Variants in CDK19 observed in about 807,000 individuals in gnomAD.
CDK19 encodes the protein cyclin-dependent kinase 19.
A neutral mutation model predicts 68.3 loss-of-function variants in CDK19; 20 were observed. That is an observed-to-expected ratio of 0.29 (90% confidence interval 0.21 to 0.43). The LOEUF (loss-of-function observed/expected upper bound fraction) is 0.43. Among genes scored for constraint, CDK19 ranks in the 20% least tolerant of loss-of-function variants. CDK19 has a pLI of 1.00. For missense variants in CDK19, 339 were observed against 623.5 expected (o/e 0.54, Z 4.86); for synonymous variants, 221 against 222.8 (o/e 0.99, Z 0.07).
intron 4 of CDK19, among the ~76,000 whole-genome samples, chr6:110,663,690 C>A (rs1781749832): frequency 1.3e-5 from 2 of 152,144 alleles, no homozygotes; most frequent in South Asian, 4.1e-4. Flanking sequence ...CACCACCACA[C>A]CCAGTTAATT....
At chr6:110,705,045 T>G (rs1157193019) in intron 2 of CDK19, among the ~76,000 whole-genome samples, 2 of 150,258 alleles carry the variant, frequency 1.3e-5, no homozygotes, top group Non-Finnish European at 3.0e-5. Context: ...AAATGTAGTT[T>G]TTTTTTTTTT....
chr6:110,798,826 T>C (rs1782139016), intron 1 of CDK19, among the ~76,000 whole-genome samples: 1 of 151,332 alleles, frequency 6.6e-6, no homozygotes, highest in Non-Finnish European at 1.5e-5. Context: ...AATCTACACA[T>C]CCTATATGAA....
intron 1 of CDK19, among the ~76,000 whole-genome samples, chr6:110,810,047 A>G (rs1341161333): frequency 6.6e-6 from 1 of 152,208 alleles, no homozygotes; most frequent in Non-Finnish European, 1.5e-5. Flanking sequence ...ACACCATTCT[A>G]AAGTGAATGT....
intron 6 of CDK19, among the ~76,000 whole-genome samples, chr6:110,628,163 A>G (rs1472768612): frequency 6.6e-6 from 1 of 152,144 alleles, no homozygotes; most frequent in East Asian, 1.9e-4. Context: ...GTGAGCCAAG[A>G]TCATGCCACC....
chr6:110,677,441 CT>C (rs771714770), intron 2 of CDK19, among the ~76,000 whole-genome samples: 5 of 151,984 alleles, frequency 3.3e-5, no homozygotes, highest in Non-Finnish European at 5.9e-5. Flanking sequence ...TGGTGGGCAC[CT>C]GTAGTCCCAG....
chr6:110,784,188 A>C (rs1189362961), intron 1 of CDK19, among the ~76,000 whole-genome samples: 1 of 151,514 alleles, frequency 6.6e-6, no homozygotes, highest in Non-Finnish European at 1.5e-5. Flanking sequence ...GGAAAGGAGA[A>C]AAAGAAAGTG....
chr6:110,617,006 T>G (rs1275235403), intron 12 of CDK19, among the ~76,000 whole-genome samples: 4 of 152,150 alleles, frequency 2.6e-5, no homozygotes, highest in African/African-American at 9.7e-5. Flanking sequence ...GCCTTGAAAC[T>G]CTACTAATGG....
intron 1 of CDK19, among the ~76,000 whole-genome samples, chr6:110,763,521 T>G (rs532750597): frequency 2.0e-5 from 3 of 149,994 alleles, no homozygotes; most frequent in Non-Finnish European, 4.4e-5. Context: ...GTTCAAGCAA[T>G]TCTCCTGCCT....
At chr6:110,810,165 G>A (rs1317310327) in intron 1 of CDK19, among the ~76,000 whole-genome samples, 1 of 152,164 alleles carries the variant, frequency 6.6e-6, no homozygotes, top group African/African-American at 2.4e-5. Flanking sequence ...ATGGTGGCAG[G>A]TATAAAGACT....
At chr6:110,642,020 A>G (rs557118874) in intron 4 of CDK19, among the ~76,000 whole-genome samples, 1 of 152,314 alleles carries the variant, frequency 6.6e-6, no homozygotes, top group East Asian at 1.9e-4. Context: ...AGGAAATTGG[A>G]GGCTGGGCGT....
intron 12 of CDK19, among the ~76,000 whole-genome samples, chr6:110,616,647 C>T (rs573698642): frequency 5.1e-4 from 76 of 149,906 alleles, no homozygotes; most frequent in African/African-American, 1.7e-3. Context: ...CTAGCCTGGG[C>T]GACAGAGGGA....
chr6:110,712,399 C>T (rs75354777), intron 2 of CDK19, among the ~76,000 whole-genome samples: 4,209 of 152,212 alleles, frequency 0.028, 82 homozygotes, highest in South Asian at 0.084. Flanking sequence ...ATATGTTCTA[C>T]GTTGGATAGA....
intron 2 of CDK19, among the ~76,000 whole-genome samples, chr6:110,713,183 G>A (rs1399280719): frequency 1.5e-5 from 2 of 137,436 alleles, no homozygotes; most frequent in African/African-American, 5.4e-5. Context: ...ATGACAGAGT[G>A]AGATCCCATC....
At chr6:110,625,425 T>A (rs1377366943) in intron 8 of CDK19, among the ~76,000 whole-genome samples, 1 of 151,830 alleles carries the variant, frequency 6.6e-6, no homozygotes, top group South Asian at 2.1e-4. Context: ...CCTCCCAAAG[T>A]GTGAGGATTA....
intron 1 of CDK19, among the ~76,000 whole-genome samples, chr6:110,777,554 T>C (rs1780495292): frequency 6.6e-6 from 1 of 152,198 alleles, no homozygotes; most frequent in Non-Finnish European, 1.5e-5. Flanking sequence ...GAGCATAAAA[T>C]GGTGCAGTTG....
At chr6:110,675,064 T>C (rs1771375748) in intron 2 of CDK19, among the ~76,000 whole-genome samples, 1 of 152,118 alleles carries the variant, frequency 6.6e-6, no homozygotes, top group Admixed American at 6.5e-5. Context: ...AACATAAAAG[T>C]GCAAGGTGAT....
rs1246064233 is a variant in CDK19, at chr6:110,746,109, T to C, written c.204+17A>G. The C allele has an allele frequency of 3.5e-6, 5 of 1,436,118 alleles. No homozygotes were observed. Among genetic ancestry groups the C allele is most frequent in the Non-Finnish European group, 4.8e-6 (5 of 1,047,614 alleles). 89.0% of individuals were successfully genotyped at this position (1,436,118 alleles called of 1,614,324 possible). ...ATATCAATAATAAAATAAATAACTG[T>C]ATTTGTATCCACTTACTGCAATCTC... On this transcript the variant is annotated intron_variant, in intron 2 of 12. Transcript: ENST00000368911.
intron 1 of CDK19, among the ~76,000 whole-genome samples, chr6:110,784,714 C>T (rs1024493723): frequency 1.3e-5 from 2 of 151,934 alleles, no homozygotes; most frequent in African/African-American, 2.4e-5. Context: ...ATCATAATAG[C>T]CTAAAAGTGG....
In CDK19 at chr6:110,692,022, G is replaced by A. The variant is rs375776937; in HGVS notation, c.205-21481C>T. Among the ~76,000 whole-genome samples, 4 of 151,740 alleles carry A rather than the reference G, an allele frequency of 2.6e-5. No individual in the cohort carries two copies. The East Asian group carries it at 5.9e-4, about 22-fold the overall frequency. ...GAAATGAAAGACACACTGGCTGGGC[G>A]CGGTGGCTCATGCCTGTAATCCCAG... On this transcript the variant is annotated intron_variant, in intron 2 of 12. Transcript: ENST00000368911.
Sources: gnomAD v4.1 joint callset for allele counts (sites outside exome capture counted in the v4.1 genomes callset) on GRCh38, gnomAD v4.1.1 for gene constraint, MANE v1.5 for transcripts, NCBI Gene and HGNC (gene_info 2026-07-23, HGNC 2026-07-21) for gene names.